The following RLF variants were observed in gnomAD, a reference collection of about 807,000 sequenced individuals.
RLF encodes the protein zinc finger protein Rlf.
In RLF, 7 loss-of-function variants were observed where a neutral mutation model predicts 162.9. That is an observed-to-expected ratio of 0.04 (90% CI 0.02 to 0.08). The LOEUF is 0.08. Ranked by LOEUF, RLF falls within the 10% of genes least tolerant of loss-of-function variation. The pLI is 1.00. For synonymous variants in RLF, 782 were observed against 791.5 expected (o/e 0.99, Z 0.20); for missense variants, 1,664 against 2,244.7 (o/e 0.74, Z 5.23).
chr1:40,239,962 T>G lies in RLF; in HGVS notation c.5260T>G (p.Ser1754Ala). 6.2e-7 allele frequency: 1 copy of G among 1,613,742 alleles called. No individual in the cohort carries two copies. Among genetic ancestry groups the G allele is most frequent in the Non-Finnish European group, 8.5e-7 (1 of 1,180,006 alleles). ...HVPKENFRKHSQPRSFDLKTY... is the reference protein window; with the variant it reads ...HVPKENFRKHAQPRSFDLKTY... The stretch of plus-strand genomic sequence containing the variant: ...CCCAAAAGAGAATTTTAGGAAACAT[T>G]CACAGCCCCGGTCATTTGATTTGAA... The change falls in exon 8 of 8, where the codon TCA (serine) becomes GCA (alanine). Residue 1754 changes from serine (S) to alanine (A), a missense_variant. Transcript: ENST00000372771.
chr1:40,176,170 T>C (rs1463356444), intron 1 of RLF, among the ~76,000 whole-genome samples: 1 of 152,242 alleles, frequency 6.6e-6, no homozygotes, highest in Non-Finnish European at 1.5e-5. Flanking sequence ...TGTTTCCAGT[T>C]TTTGACTACT....
intron 3 of RLF, among the ~76,000 whole-genome samples, chr1:40,193,907 C>T (rs1642594335): frequency 6.6e-6 from 1 of 151,962 alleles, no homozygotes. Context: ...TTATATTTTC[C>T]AAAGAAATGT....
In RLF at chr1:40,202,470, G is replaced by T; in HGVS notation, c.666G>T (p.Leu222Phe). Reference protein sequence around the residue: ...PSFLQMRIKHLLKSNCIPQAT... With the variant: ...PSFLQMRIKHFLKSNCIPQAT... ...TTCTGCAAATGCGAATAAAACATTT[G>T]TTGAAATCTAACTGCATCCCCCAGG... Residue 222 changes from leucine (L) to phenylalanine (F), a missense_variant, in exon 5 of 8, where the codon TTG becomes TTT. By Grantham distance (22) the Leu-to-Phe change is conservative. Around this residue, in one of 15 missense-constraint regions of RLF, gnomAD observed 287 missense variants for 404.9 expected, o/e 0.71. Transcript: ENST00000372771. 1 of 1,586,060 alleles carries T rather than the reference G, an allele frequency of 6.3e-7. No homozygotes were observed. Among genetic ancestry groups the T allele is most frequent in the Middle Eastern group, 1.7e-4 (1 of 5,998 alleles).
intron 5 of RLF, among the ~76,000 whole-genome samples, chr1:40,205,726 C>T (rs1379883301): frequency 6.6e-6 from 1 of 152,044 alleles, no homozygotes; most frequent in Non-Finnish European, 1.5e-5. Flanking sequence ...CTCCTGACCT[C>T]GTGATCCGCT....
rs1480950190 is a variant in RLF at position 40,239,042 on chromosome 1, A to G, written c.4340A>G (p.Asp1447Gly). The G allele has an allele frequency of 6.2e-7, 1 of 1,614,224 alleles. No homozygotes were observed. The highest frequency in any genetic ancestry group is 8.5e-7 in the Non-Finnish European group (1 of 1,180,030). Residue 1447 changes from aspartate (D) to glycine (G), a missense_variant, in exon 8 of 8, where the codon GAT becomes GGT. By Grantham distance (94) the Asp-to-Gly change is moderately conservative (BLOSUM62 -1). Coordinates refer to ENST00000372771, the MANE Select transcript of RLF (RefSeq NM_012421.4). ...CATTCAGATTATGAAATTCATTGTG[A>G]TCTTAATGGCTGTGGCCAGATTTTC... The part of the protein sequence containing the change: ...EIHSDYEIHC[D>G]LNGCGQIFTH...
intron 7 of RLF, among the ~76,000 whole-genome samples, chr1:40,231,885 A>T (rs907509614): frequency 6.6e-6 from 1 of 152,204 alleles, no homozygotes; most frequent in African/African-American, 2.4e-5. Context: ...AATTACTGTG[A>T]ATGAAGTTGT....
Position 40,161,601 on chromosome 1 carries a change from G to C in RLF, c.202G>C (p.Val68Leu). ...TELREQEVSE[V>L]SSLNYCRSFC... is the part of the protein sequence containing the mutation. Reference sequence around the variant, plus strand: ...GCTGAGGGAGCAAGAGGTGTCGGAGGTCTCATCTTTGAACTACTGCCGGAG... The same window carrying C: ...GCTGAGGGAGCAAGAGGTGTCGGAGCTCTCATCTTTGAACTACTGCCGGAG... Residue 68 changes from valine to leucine, a missense_variant, in exon 1 of 8, where the codon GTC becomes CTC. Val to Leu is a conservative substitution (Grantham distance 32). Around this residue, in one of 15 missense-constraint regions of RLF, gnomAD observed 134 missense variants for 124.3 expected, o/e 1.08. Transcript: ENST00000372771. The surrounding 1 kb of genome is among the most constrained non-coding windows in gnomAD (Gnocchi z 4.4). The C allele has an allele frequency of 6.2e-7, 1 of 1,613,194 alleles. No individual in the cohort carries two copies. Among genetic ancestry groups the C allele is most frequent in the Non-Finnish European group, 8.5e-7 (1 of 1,179,610 alleles).
At chr1:40,178,997 G>T (rs191577069) in intron 1 of RLF, among the ~76,000 whole-genome samples, 56 of 152,044 alleles carry the variant, frequency 3.7e-4, no homozygotes, top group African/African-American at 1.4e-3. Context: ...ACCACGCCCG[G>T]CTAATTTTTG....
At chr1:40,207,487 A>AT (rs1266810573) in intron 5 of RLF, among the ~76,000 whole-genome samples, 1 of 152,166 alleles carries the variant, frequency 6.6e-6, no homozygotes, top group African/African-American at 2.4e-5. Flanking sequence ...TGTGATTCAG[A>AT]TTTCTGTATA....
chr1:40,231,753 G>A, intron 7 of RLF, 95 bp downstream of exon 7: 2 of 1,168,916 alleles, frequency 1.7e-6, no homozygotes, highest in Non-Finnish European at 2.4e-6. Flanking sequence ...AGGAAGATAA[G>A]AAATAATGAG....
chr1:40,215,133 G>T (rs189635129), intron 5 of RLF, among the ~76,000 whole-genome samples: 96 of 152,136 alleles, frequency 6.3e-4, no homozygotes, highest in Admixed American at 1.2e-3. Flanking sequence ...AGAAATGATA[G>T]AGCCCAAAAT....
At chr1:40,175,828 T>G (rs567289110) in intron 1 of RLF, among the ~76,000 whole-genome samples, 1 of 150,896 alleles carries the variant, frequency 6.6e-6, no homozygotes, top group South Asian at 2.1e-4. Flanking sequence ...CTTTGGCATA[T>G]CTTAATATCC....
At chr1:40,226,682 AT>A (rs995131984) in intron 6 of RLF, among the ~76,000 whole-genome samples, 7 of 150,736 alleles carry the variant, frequency 4.6e-5, no homozygotes, top group African/African-American at 9.7e-5. Flanking sequence ...AGCTTTAAAA[AT>A]TTTTTTTTTC....
At chr1:40,224,578 CTTTTTTTT>C (rs59980316) in intron 6 of RLF, among the ~76,000 whole-genome samples, 3 of 40,440 alleles carry the variant, frequency 7.4e-5, no homozygotes, top group Non-Finnish European at 1.4e-4. Flanking sequence ...CTGGCCACAT[CTTTTTTTT>C]TTTTTTTTTT....
intron 2 of RLF, 44 bp from the exon 3 acceptor site, chr1:40,190,728 T>C (rs1475561301): frequency 8.1e-7 from 1 of 1,242,116 alleles, no homozygotes; most frequent in African/African-American, 1.5e-5. Flanking sequence ...TCTACTTAAT[T>C]ATTACTATAA....
At chr1:40,172,463 A>G (rs1351109963) in intron 1 of RLF, among the ~76,000 whole-genome samples, 2 of 152,182 alleles carry the variant, frequency 1.3e-5, no homozygotes, top group Non-Finnish European at 2.9e-5. Flanking sequence ...GGTTATTTCT[A>G]TCTATAATAT....
intron 4 of RLF, among the ~76,000 whole-genome samples, chr1:40,201,557 C>T (rs183232183): frequency 1.3e-3 from 181 of 143,682 alleles, no homozygotes; most frequent in African/African-American, 4.3e-3. Flanking sequence ...ACCCGGGAGG[C>T]GGAGCTTGCA....
At chr1:40,198,729 C>A (rs532827183) in intron 4 of RLF, among the ~76,000 whole-genome samples, 1 of 151,940 alleles carries the variant, frequency 6.6e-6, no homozygotes, top group Non-Finnish European at 1.5e-5. Context: ...CAAAGAAATG[C>A]GGCAAACCAG....
chr1:40,169,602 G>T (rs1281222153), intron 1 of RLF, among the ~76,000 whole-genome samples: 2 of 117,214 alleles, frequency 1.7e-5, no homozygotes, highest in Non-Finnish European at 3.3e-5. Context: ...CAGCCTGGGC[G>T]ACAGAGCGAG....
Sources: allele counts gnomAD v4.1 joint callset (sites outside exome capture counted in the v4.1 genomes callset), GRCh38; gene constraint gnomAD v4.1.1; regional missense constraint gnomAD v4.1.1; non-coding constraint Gnocchi (gnomAD v3.1); transcripts MANE v1.5; gene names NCBI Gene and HGNC (gene_info 2026-07-23, HGNC 2026-07-21).